NEUROD1: variants seen among roughly 807,000 people sequenced by gnomAD.
NEUROD1 encodes neurogenic differentiation factor 1.
Under a neutral mutation model 21.8 loss-of-function variants are expected in NEUROD1, and 9 were observed. The observed-to-expected ratio is 0.41, with a 90% CI of 0.25 to 0.72. The LOEUF is 0.72. Among genes scored for constraint, NEUROD1 ranks in the 30% least tolerant of loss-of-function variants. The probability of loss-of-function intolerance (pLI) is 0.31; values close to 1 mark genes in which losing one functional copy is unlikely to be tolerated. For missense variants in NEUROD1, 434 were observed against 468.8 expected (o/e 0.93, Z 0.69); for synonymous variants, 199 against 186.2 (o/e 1.07, Z -0.56).
In NEUROD1 at chr2:181,679,473, T is replaced by C. The variant is rs1308786332; in HGVS notation, c.-11-602A>G. ...TTCCACCAAATTGTTTCACCATCAA[T>C]GTAACATTTGGCAACAAAAGTGGAC... is the stretch of plus-strand genomic sequence containing the variant. On this transcript the variant is annotated intron_variant, in intron 1 of 1. Transcript: ENST00000295108. Among the ~76,000 whole-genome samples, 3 of 152,238 alleles carry C rather than the reference T, an allele frequency of 2.0e-5. No homozygotes were observed. The East Asian group carries it at 5.8e-4, about 29-fold the overall frequency.
In NEUROD1 at chr2:181,677,549, T is replaced by G. The variant is rs1163976938; in HGVS notation, c.*241A>C. On this transcript the variant is annotated 3_prime_UTR_variant, in exon 2 of 2. Coordinates refer to ENST00000295108, the MANE Select transcript of NEUROD1 (RefSeq NM_002500.5). ...CAAATTCGTGGTGTATTTTTTAAAC[T>G]TTACTGTATTTTTTTATTTTTTAAA... 1.7e-6 allele frequency: 1 copy of G among 583,944 alleles called. No homozygotes were observed. The highest frequency in any genetic ancestry group is 2.8e-6 in the Non-Finnish European group (1 of 351,682). The allele number at this position is 583,944 out of a possible 1,614,324, so 36.2% of individuals were successfully genotyped here. A position where few individuals can be genotyped will look rare whatever the true frequency, so the allele number is the denominator to read the frequency against.
rs764333074 is a variant in NEUROD1 at position 181,678,569 on chromosome 2, G to T, written c.292C>A (p.Arg98Ser). 6.2e-6 allele frequency: 10 copies of T among 1,614,206 alleles called. No individual in the cohort carries two copies. Among genetic ancestry groups the T allele is most frequent in the Non-Finnish European group, 6.8e-6 (8 of 1,180,038 alleles). ...GCCTTCATGCGTCTCAATTTAAAAC[G>T]CTCCAGGCGAGCCTTAGTCATCTTC... ...KKKMTKARLE[R>S]FKLRRMKANA... Residue 98 changes from arginine to serine, a missense_variant, in exon 2 of 2, where the codon CGT (arginine) becomes AGT (serine). Physicochemically the swap from Arg to Ser is moderately radical, Grantham distance 110. Transcript: ENST00000295108. The surrounding 1 kb of genome is among the most constrained non-coding windows in gnomAD (Gnocchi z 5.5).
chr2:181,676,560 C>G lies in NEUROD1; in HGVS notation c.*1230G>C, dbSNP rs1437432275. ...CAGGATTACAAACAAAATTACAGTA[C>G]AGATCGATTCCAGTGGTACCAGCAT... On this transcript the variant is annotated 3_prime_UTR_variant, in exon 2 of 2. Transcript: ENST00000295108. 1 of 152,612 alleles carries G rather than the reference C, an allele frequency of 6.6e-6. No individual in the cohort carries two copies. The highest frequency in any genetic ancestry group is 1.5e-5 in the Non-Finnish European group (1 of 68,020). The allele number at this position is 152,612 out of a possible 1,614,324, so 9.5% of individuals were successfully genotyped here.
At chr2:181,670,022 A>T (rs1276150292), downstream of NEUROD1, among the ~76,000 whole-genome samples, 3 of 152,204 alleles carry the variant, frequency 2.0e-5, no homozygotes, top group Non-Finnish European at 2.9e-5. Context: ...TTGGACTAGA[A>T]TTTTTTTAAA....
Position 181,677,452 on chromosome 2 carries a change from A to G in NEUROD1, c.*338T>C, listed in dbSNP as rs1471865207. On this transcript the variant is annotated 3_prime_UTR_variant, in exon 2 of 2. Transcript: ENST00000295108. Reference sequence around the variant, plus strand: ...GGCCCATTACTAGTTTAAAAATTGCATAGATCCTAATTATTGCTTGTGATT... The same window carrying G: ...GGCCCATTACTAGTTTAAAAATTGCGTAGATCCTAATTATTGCTTGTGATT... The G allele has an allele frequency of 4.8e-6, 1 of 207,380 alleles. No homozygotes were observed. The highest frequency in any genetic ancestry group is 5.2e-5 in the Admixed American group (1 of 19,150). 12.8% of individuals were successfully genotyped at this position (207,380 alleles called of 1,614,324 possible). A position where few individuals can be genotyped will look rare whatever the true frequency, so the allele number is the denominator to read the frequency against.
At chr2:181,679,745 G>A (rs1416595937) in intron 1 of NEUROD1, among the ~76,000 whole-genome samples, 1 of 152,252 alleles carries the variant, frequency 6.6e-6, no homozygotes, top group Non-Finnish European at 1.5e-5. Context: ...AAAAGATTGA[G>A]TAATTATAAT....
At chr2:181,674,025 GTAGA>G (rs996030726), downstream of NEUROD1, among the ~76,000 whole-genome samples, 4 of 152,012 alleles carry the variant, frequency 2.6e-5, no homozygotes, top group African/African-American at 9.7e-5. Context: ...ATGATTAAAA[GTAGA>G]TAGATCATAC....
chr2:181,668,463 T>G (rs1275379801), downstream of NEUROD1, among the ~76,000 whole-genome samples: 1 of 152,124 alleles, frequency 6.6e-6, no homozygotes, highest in African/African-American at 2.4e-5. Flanking sequence ...ATCTCTCCCT[T>G]GTAAAACCCT....
downstream of NEUROD1, among the ~76,000 whole-genome samples, chr2:181,675,749 G>T (rs1378775178): frequency 1.3e-5 from 2 of 152,106 alleles, no homozygotes; most frequent in South Asian, 2.1e-4. Context: ...GCCCCAAAGG[G>T]TGGGGGGAGG....
exon 2 of NEUROD1, among the ~76,000 whole-genome samples, chr2:181,670,965 A>C (rs1352176490): frequency 6.6e-6 from 1 of 151,810 alleles, no homozygotes; most frequent in African/African-American, 2.4e-5. Flanking sequence ...ATGGACATAA[A>C]TTTGGGAGAG....
downstream of NEUROD1, among the ~76,000 whole-genome samples, chr2:181,675,032 C>A (rs1263356108): frequency 6.6e-6 from 1 of 152,206 alleles, no homozygotes; most frequent in East Asian, 1.9e-4. Flanking sequence ...ATGCTCACTT[C>A]ATTACCTCCT....
downstream of NEUROD1, among the ~76,000 whole-genome samples, chr2:181,675,192 A>G (rs1688550912): frequency 2.6e-5 from 4 of 152,358 alleles, no homozygotes; most frequent in South Asian, 6.2e-4. Flanking sequence ...TGCATTTTAG[A>G]TAAAGTTGGG....
chr2:181,678,285 A>G lies in NEUROD1; in HGVS notation c.576T>C (p.Pro192=), dbSNP rs1436091083. The G allele has an allele frequency of 1.9e-6, 3 of 1,613,982 alleles. No individual in the cohort carries two copies. The highest frequency in any genetic ancestry group is 2.5e-6 in the Non-Finnish European group (3 of 1,180,020). The change falls in exon 2 of 2, where the codon CCT becomes CCC. Residue 192 remains proline, a synonymous_variant. Coordinates refer to ENST00000295108, the MANE Select transcript of NEUROD1 (RefSeq NM_002500.5). The surrounding 1 kb of genome is among the most constrained non-coding windows in gnomAD (Gnocchi z 5.5). ...NLVAGCLQLN[P]RTFLPEQNQD... is the part of the protein sequence containing the mutation. ...GGTTCTGCTCAGGCAGAAAAGTCCGAGGATTGAGTTGCAGGCAGCCCGCAA... is the reference window on the plus strand; with the variant it reads ...GGTTCTGCTCAGGCAGAAAAGTCCGGGGATTGAGTTGCAGGCAGCCCGCAA...
downstream of NEUROD1, among the ~76,000 whole-genome samples, chr2:181,668,364 T>C (rs1002738274): frequency 6.6e-6 from 1 of 152,092 alleles, no homozygotes; most frequent in Non-Finnish European, 1.5e-5. Context: ...TCATCTTTGC[T>C]TTGGGGCTAA....
chr2:181,674,327 A>AT (rs1688535560), downstream of NEUROD1, among the ~76,000 whole-genome samples: 1 of 151,960 alleles, frequency 6.6e-6, no homozygotes, highest in South Asian at 2.1e-4. Context: ...TAAACGAAAT[A>AT]TTTTTTCCAG....
At chr2:181,671,206 A>T (rs1470164575) in exon 2 of NEUROD1, among the ~76,000 whole-genome samples, 1 of 152,192 alleles carries the variant, frequency 6.6e-6, no homozygotes, top group Non-Finnish European at 1.5e-5. Flanking sequence ...TCAAAGAATC[A>T]TTAATTTATT....
chr2:181,672,679 G>A (rs1167207691), downstream of NEUROD1, among the ~76,000 whole-genome samples: 1 of 152,214 alleles, frequency 6.6e-6, no homozygotes, highest in African/African-American at 2.4e-5. Flanking sequence ...CTTTGAGGAA[G>A]TGGCAATGAA....
chr2:181,678,592 T>C lies in NEUROD1; in HGVS notation c.269A>G (p.Lys90Arg). Reference sequence around the variant, plus strand: ...ACGCTCCAGGCGAGCCTTAGTCATCTTCTTCTTTTTGGGGCCGCGTCTCTT... The same window carrying C: ...ACGCTCCAGGCGAGCCTTAGTCATCCTCTTCTTTTTGGGGCCGCGTCTCTT... ...KPKRRGPKKK[K>R]MTKARLERFK... Residue 90 changes from lysine to arginine, a missense_variant, in exon 2 of 2, where the codon AAG becomes AGG. Lys to Arg is a conservative substitution (Grantham distance 26, BLOSUM62 2). Transcript: ENST00000295108. The surrounding 1 kb of genome is among the most constrained non-coding windows in gnomAD (Gnocchi z 5.5). 1 of 1,614,118 alleles carries C rather than the reference T, an allele frequency of 6.2e-7. No individual in the cohort carries two copies.
chr2:181,672,104 G>C (rs1249726595), downstream of NEUROD1, among the ~76,000 whole-genome samples: 1 of 152,094 alleles, frequency 6.6e-6, no homozygotes, highest in Non-Finnish European at 1.5e-5. Context: ...GAAATACATG[G>C]TCTGGAAAAA....
Sources: allele counts gnomAD v4.1 joint callset (sites outside exome capture counted in the v4.1 genomes callset), GRCh38; gene constraint gnomAD v4.1.1; non-coding constraint Gnocchi (gnomAD v3.1); transcripts MANE v1.5; gene names NCBI Gene and HGNC (gene_info 2026-07-23, HGNC 2026-07-21).